The following RALGAPA1 variants were observed in gnomAD, a reference collection of about 807,000 sequenced individuals.
The protein encoded by RALGAPA1 is Ral GTPase activating protein catalytic subunit alpha 1, also known as ral GTPase-activating protein subunit alpha-1.
In RALGAPA1, 52 loss-of-function variants were observed where a neutral mutation model predicts 269.6. The observed-to-expected ratio is 0.19, with a 90% CI of 0.15 to 0.24. The LOEUF is 0.24. Among genes scored for constraint, RALGAPA1 ranks in the 10% least tolerant of loss-of-function variants. The probability of loss-of-function intolerance (pLI) is 1.00; values close to 1 mark genes in which losing one functional copy is unlikely to be tolerated. For missense variants in RALGAPA1, 1,917 were observed against 3,013.9 expected, an observed-to-expected ratio of 0.64 and a Z score of 8.52; for synonymous variants, 817 against 1,008.3, an observed-to-expected ratio of 0.81 and a Z score of 3.60.
chr14:35,775,063 A>G lies in RALGAPA1; in HGVS notation c.218-8T>C. The G allele has an allele frequency of 6.8e-7, 1 of 1,467,946 alleles. No individual in the cohort carries two copies. The highest frequency in any genetic ancestry group is 9.4e-7 in the Non-Finnish European group (1 of 1,058,258). 90.9% of individuals were successfully genotyped at this position (1,467,946 alleles called of 1,614,324 possible). The stretch of plus-strand genomic sequence containing the variant: ...CTCTTTGAGACTTGTGACCTAAAAC[A>G]TTTTTATAAGAAAACATTTAAAACA... On this transcript the variant is annotated splice_polypyrimidine_tract_variant and splice_region_variant and intron_variant, in intron 2 of 41. Coordinates refer to ENST00000680220, the MANE Select transcript of RALGAPA1 (RefSeq NM_001346249.2).
At chr14:35,637,076 T>C (rs1021075543) in intron 31 of RALGAPA1, among the ~76,000 whole-genome samples, 15 of 152,014 alleles carry the variant, frequency 9.9e-5, no homozygotes, top group South Asian at 2.1e-4. Context: ...GAAGTACACA[T>C]AGGAAAGGTA....
chr14:35,794,817 A>T (rs370463882), intron 1 of RALGAPA1, among the ~76,000 whole-genome samples: 2 of 152,210 alleles, frequency 1.3e-5, no homozygotes, highest in Admixed American at 1.3e-4. Context: ...ATGTATTGCC[A>T]TTTATACCTA....
intron 16 of RALGAPA1, among the ~76,000 whole-genome samples, chr14:35,703,236 C>T (rs2067518191): frequency 6.6e-6 from 1 of 152,138 alleles, no homozygotes; most frequent in Non-Finnish European, 1.5e-5. Context: ...CTTTGGGAGG[C>T]CAAGGCAGGA....
intron 27 of RALGAPA1, among the ~76,000 whole-genome samples, chr14:35,662,171 A>T (rs1555394147): frequency 6.6e-6 from 1 of 152,230 alleles, no homozygotes. Context: ...GTCATAAAAG[A>T]CTTCACAAAG....
At chr14:35,766,242 T>C in intron 4 of RALGAPA1, 2 of 801,454 alleles carry the variant, frequency 2.5e-6, no homozygotes, top group Non-Finnish European at 4.5e-6. Context: ...CTTAACCAGA[T>C]GTGTGGATGA....
chr14:35,546,874 GA>G (rs1294253661), intron 41 of RALGAPA1, among the ~76,000 whole-genome samples: 1 of 151,978 alleles, frequency 6.6e-6, no homozygotes, highest in Non-Finnish European at 1.5e-5. Flanking sequence ...GTTAAGATTT[GA>G]GATAACTGGA....
At chr14:35,730,667 G>A (rs2070391615) in intron 12 of RALGAPA1, among the ~76,000 whole-genome samples, 3 of 152,018 alleles carry the variant, frequency 2.0e-5, no homozygotes, top group Admixed American at 6.6e-5. Flanking sequence ...CATAATCCTC[G>A]TAGGTACACA....
intron 33 of RALGAPA1, among the ~76,000 whole-genome samples, chr14:35,632,163 A>C (rs924661311): frequency 3.9e-5 from 6 of 152,172 alleles, no homozygotes; most frequent in African/African-American, 1.4e-4. Flanking sequence ...TTGGGCAATA[A>C]ATTTATTTAT....
At chr14:35,576,221 C>T (rs2057550950) in intron 37 of RALGAPA1, among the ~76,000 whole-genome samples, 2 of 152,224 alleles carry the variant, frequency 1.3e-5, no homozygotes, top group Non-Finnish European at 1.5e-5. Context: ...AGCAAACCCA[C>T]AGTGGGGCTG....
At chr14:35,779,761 C>T (rs2075306897) in intron 1 of RALGAPA1, among the ~76,000 whole-genome samples, 1 of 152,150 alleles carries the variant, frequency 6.6e-6, no homozygotes, top group Non-Finnish European at 1.5e-5. Flanking sequence ...AGTATTCTCT[C>T]TCAATTTCCT....
chr14:35,633,853 T>C (rs1297852452), intron 33 of RALGAPA1, among the ~76,000 whole-genome samples: 1 of 152,136 alleles, frequency 6.6e-6, no homozygotes, highest in East Asian at 1.9e-4. Context: ...ATTACATCTT[T>C]CTCTTCTATC....
At chr14:35,703,586 G>A (rs555856942) in intron 16 of RALGAPA1, among the ~76,000 whole-genome samples, 1 of 152,290 alleles carries the variant, frequency 6.6e-6, no homozygotes, top group East Asian at 1.9e-4. Context: ...ATACCTAGAA[G>A]TCTGTCAAGG....
chr14:35,588,988 G>T (rs117678982), intron 37 of RALGAPA1, among the ~76,000 whole-genome samples: 2,368 of 152,228 alleles, frequency 0.016, 45 homozygotes, highest in East Asian at 0.064. Context: ...TTTATGTTAG[G>T]TAAATTAAGC....
At position 35,605,510 on chromosome 14, in the gene RALGAPA1, T is replaced by C. The variant is rs184060314; in HGVS notation, c.7053+76A>G. 1,051 of 1,422,324 alleles carry C rather than the reference T, an allele frequency of 7.4e-4. 7 individuals are homozygous for C. The highest frequency in any genetic ancestry group is 5.1e-3 in the Admixed American group (215 of 42,546). The allele number at this position is 1,422,324 out of a possible 1,614,324, so 88.1% of individuals were successfully genotyped here. ...TGTATCTCCTAAAATAATACTTCTA[T>C]AATAAGCTAGGAAAAAAAAGAAAAA... On this transcript the variant is annotated intron_variant, in intron 36 of 41. Transcript: ENST00000680220.
rs1312709070 is a variant in RALGAPA1, at chr14:35,719,781, TCCCTCTGTC to T, written c.2266+1898_2266+1906del. On this transcript the variant is annotated intron_variant, in intron 16 of 41. Coordinates refer to ENST00000680220, the MANE Select transcript of RALGAPA1 (RefSeq NM_001346249.2). ...TTGAGACAGAGTCGCCCTCTGTCGCTCCCTCTGTCGCTCCCTCTGTCGCTCCAGGCTTGA... is the reference window on the plus strand; with the variant it reads ...TTGAGACAGAGTCGCCCTCTGTCGCTGCTCCCTCTGTCGCTCCAGGCTTGA... 4.2e-5 allele frequency among the ~76,000 whole-genome samples: 3 copies of T among 71,994 alleles called. No individual in the cohort carries two copies. The African/African-American group carries it at 6.4e-4, about 15-fold the overall frequency. The allele number at this position is 71,994 out of a possible 152,430, so 47.2% of individuals were successfully genotyped here.
intron 9 of RALGAPA1, 113 bp from the exon 10 acceptor site, chr14:35,748,937 T>G (rs2072411561): frequency 7.1e-7 from 1 of 1,401,116 alleles, no homozygotes; most frequent in Admixed American, 3.1e-5. Flanking sequence ...CCCAAGTAAT[T>G]TATACCACTG....
chr14:35,712,613 A>G (rs1159124279), intron 16 of RALGAPA1, among the ~76,000 whole-genome samples: 1 of 152,064 alleles, frequency 6.6e-6, no homozygotes, highest in Non-Finnish European at 1.5e-5. Context: ...GGCTCAAGCA[A>G]TCATCTCACC....
At position 35,795,951 on chromosome 14, in the gene RALGAPA1, C is replaced by T. The variant is rs545951104; in HGVS notation, c.106+12779G>A. Among the ~76,000 whole-genome samples the T allele has an allele frequency of 5.3e-5, 8 of 151,272 alleles. No individual in the cohort carries two copies. The South Asian group carries it at 1.5e-3, about 28-fold the overall frequency. ...TGAGACCCTGCCCCCAAAAACAGAA[C>T]GAAACAAAAAAAGAATTTACAGATA... On this transcript the variant is annotated intron_variant, in intron 1 of 41. Transcript: ENST00000680220.
At chr14:35,710,763 C>T (rs2068254183) in intron 16 of RALGAPA1, among the ~76,000 whole-genome samples, 1 of 152,098 alleles carries the variant, frequency 6.6e-6, no homozygotes, top group African/African-American at 2.4e-5. Flanking sequence ...GATTATAATA[C>T]TTTATTTTTA....
Sources: allele counts gnomAD v4.1 joint callset (sites outside exome capture counted in the v4.1 genomes callset), GRCh38; gene constraint gnomAD v4.1.1; transcripts MANE v1.5; gene names NCBI Gene and HGNC (gene_info 2026-07-23, HGNC 2026-07-21).